KIAA0825: variants seen among roughly 807,000 people sequenced by gnomAD.
KIAA0825 encodes uncharacterized protein KIAA0825.
In KIAA0825, 119 loss-of-function variants were observed where a neutral mutation model predicts 147.6. That is an observed-to-expected ratio of 0.81 (90% confidence interval 0.69 to 0.94). The LOEUF (loss-of-function observed/expected upper bound fraction) is 0.94. KIAA0825 is among the 40% of genes least tolerant of loss of function. The pLI is 0.00. For synonymous variants in KIAA0825, 470 were observed against 518.1 expected (o/e 0.91, Z 1.26); for missense variants, 1,381 against 1,472.7 (o/e 0.94, Z 1.02).
At position 94,356,725 on chromosome 5, in the gene KIAA0825, C is replaced by CTTTTTTTTTTTTTTTTTTTTT. The variant is rs1172838355; in HGVS notation, c.3710+27642_3710+27643insAAAAAAAAAAAAAAAAAAAAA. On this transcript the variant is annotated intron_variant, in intron 20 of 20. Transcript: ENST00000682413. The stretch of plus-strand genomic sequence containing the variant: ...TCAAACTTAAGGTTTAACTTGATTT[C>CTTTTTTTTTTTTTTTTTTTTT]TTTTTTTTTTTTTTTTTGAGACGGA... 1.0e-3 allele frequency among the ~76,000 whole-genome samples: 118 copies of CTTTTTTTTTTTTTTTTTTTTT among 116,718 alleles called. 15 individuals are homozygous for CTTTTTTTTTTTTTTTTTTTTT. The highest frequency in any genetic ancestry group is 1.6e-3 in the African/African-American group (48 of 29,502). 76.6% of individuals were successfully genotyped at this position (116,718 alleles called of 152,430 possible).
intron 20 of KIAA0825, among the ~76,000 whole-genome samples, chr5:94,266,321 T>C (rs1003919057): frequency 6.6e-6 from 1 of 152,206 alleles, no homozygotes; most frequent in African/African-American, 2.4e-5. Flanking sequence ...TAATGAAATG[T>C]ATCAACATTT....
Position 94,529,201 on chromosome 5 carries a change from T to C in KIAA0825, c.132-5103A>G, listed in dbSNP as rs150163815. On this transcript the variant is annotated intron_variant, in intron 3 of 20. Transcript: ENST00000682413. ...CATATATATTATATATATGAAGTAG[T>C]ATATATATCATATATATGTATGTAT... 4.4e-3 allele frequency among the ~76,000 whole-genome samples: 648 copies of C among 146,668 alleles called. 7 individuals carry two copies. The highest frequency in any genetic ancestry group is 0.015 in the African/African-American group (591 of 40,012).
At chr5:94,382,758 TAAAC>T (rs764774343) in intron 20 of KIAA0825, among the ~76,000 whole-genome samples, 1 of 152,166 alleles carries the variant, frequency 6.6e-6, no homozygotes, top group Non-Finnish European at 1.5e-5. Context: ...CCAAAGTCCT[TAAAC>T]AAAAACAAAA....
intron 13 of KIAA0825, among the ~76,000 whole-genome samples, chr5:94,452,116 G>T (rs1458491371): frequency 6.6e-6 from 1 of 152,134 alleles, no homozygotes; most frequent in Non-Finnish European, 1.5e-5. Flanking sequence ...AATACATTGA[G>T]GTCCTTGAAG....
intron 1 of KIAA0825, among the ~76,000 whole-genome samples, chr5:94,602,244 G>A (rs1448915400): frequency 3.3e-5 from 5 of 151,708 alleles, no homozygotes; most frequent in Non-Finnish European, 5.9e-5. Context: ...CCAGCTACTC[G>A]GGAGGCTGAG....
At chr5:94,486,951 T>A (rs926528362) in intron 5 of KIAA0825, among the ~76,000 whole-genome samples, 7 of 152,178 alleles carry the variant, frequency 4.6e-5, no homozygotes, top group African/African-American at 1.7e-4. Context: ...TCACTAGAAA[T>A]TAAGCATGTT....
intron 14 of KIAA0825, among the ~76,000 whole-genome samples, chr5:94,418,450 C>T (rs977511274): frequency 6.6e-6 from 1 of 151,912 alleles, no homozygotes; most frequent in Non-Finnish European, 1.5e-5. Context: ...GTCCCTCACC[C>T]CTCCATCCTC....
intron 5 of KIAA0825, 84 bp from the exon 6 acceptor site, chr5:94,485,014 C>A: frequency 1.0e-6 from 1 of 987,562 alleles, no homozygotes; most frequent in Non-Finnish European, 1.3e-6. Flanking sequence ...ATTCCATAAA[C>A]CATATAAAAA....
intron 20 of KIAA0825, among the ~76,000 whole-genome samples, chr5:94,199,653 T>C (rs1771476714): frequency 6.6e-6 from 1 of 152,052 alleles, no homozygotes. Context: ...AGTGAGGCAG[T>C]GGTGAGTTCC....
At chr5:94,347,898 C>A (rs909596109) in intron 20 of KIAA0825, among the ~76,000 whole-genome samples, 5 of 151,980 alleles carry the variant, frequency 3.3e-5, no homozygotes, top group African/African-American at 1.2e-4. Flanking sequence ...AAATATGATA[C>A]AAGAAATGAA....
Position 94,463,389 on chromosome 5 carries a change from ATAT to A in KIAA0825, c.2064-823_2064-821del, listed in dbSNP as rs1760077356. ...TGGTCTCAAATTTATTATATAATAA[ATAT>A]TATATATTAATAATATATGACACAT... On this transcript the variant is annotated intron_variant, in intron 11 of 20. Transcript: ENST00000682413. Among the ~76,000 whole-genome samples, 3 of 148,630 alleles carry A rather than the reference ATAT, an allele frequency of 2.0e-5. No homozygotes were observed. The Admixed American group carries it at 2.0e-4, about 10-fold the overall frequency.
At chr5:94,435,225 C>T (rs1242644107) in intron 14 of KIAA0825, among the ~76,000 whole-genome samples, 1 of 151,360 alleles carries the variant, frequency 6.6e-6, no homozygotes, top group Non-Finnish European at 1.5e-5. Context: ...CAGATTACTT[C>T]ATCACCCAGG....
intron 20 of KIAA0825, among the ~76,000 whole-genome samples, chr5:94,187,579 A>G (rs979184157): frequency 6.6e-6 from 1 of 151,828 alleles, no homozygotes; most frequent in Non-Finnish European, 1.5e-5. Flanking sequence ...GGCACCCGCC[A>G]CCACGTCTGG....
chr5:94,382,427 A>T (rs1748543438), intron 20 of KIAA0825, among the ~76,000 whole-genome samples: 1 of 152,232 alleles, frequency 6.6e-6, no homozygotes, highest in African/African-American at 2.4e-5. Flanking sequence ...AACAAAACTC[A>T]TAAATAACCT....
intron 20 of KIAA0825, among the ~76,000 whole-genome samples, chr5:94,313,590 G>A (rs549689140): frequency 2.1e-4 from 31 of 145,490 alleles, no homozygotes; most frequent in African/African-American, 7.3e-4. Flanking sequence ...TGTCAGACAT[G>A]CCTAGATTTT....
intron 2 of KIAA0825, among the ~76,000 whole-genome samples, chr5:94,573,928 G>A (rs1418762594): frequency 6.6e-6 from 1 of 152,128 alleles, no homozygotes; most frequent in Non-Finnish European, 1.5e-5. Flanking sequence ...TGACTCCCCA[G>A]ACCTCTTAGA....
At chr5:94,499,823 C>T (rs1435781812) in intron 5 of KIAA0825, among the ~76,000 whole-genome samples, 2 of 152,086 alleles carry the variant, frequency 1.3e-5, no homozygotes, top group African/African-American at 4.8e-5. Context: ...ATAAATAATT[C>T]TTGTCCTTAA....
chr5:94,569,800 C>T, intron 2 of KIAA0825: 1 of 206,142 alleles, frequency 4.9e-6, no homozygotes, highest in Non-Finnish European at 9.6e-6. Context: ...CTAACGGTGC[C>T]TCAATATTCT....
Position 94,553,565 on chromosome 5 carries a change from G to A in KIAA0825, c.-1-16438C>T, listed in dbSNP as rs1584871475. Reference sequence around the variant, plus strand: ...CGATCACCTGAGGCCAGGAGTTTGAGATCAGCCTGGTCAACATGGTGAAAC... The same window carrying A: ...CGATCACCTGAGGCCAGGAGTTTGAAATCAGCCTGGTCAACATGGTGAAAC... On this transcript the variant is annotated intron_variant, in intron 2 of 20. Coordinates refer to ENST00000682413, the MANE Select transcript of KIAA0825 (RefSeq NM_001145678.3). 4.0e-5 allele frequency among the ~76,000 whole-genome samples: 6 copies of A among 151,314 alleles called. No individual in the cohort carries two copies. In the South Asian group the frequency reaches 1.2e-3, roughly 31 times the overall value.
Sources: gnomAD v4.1 joint callset for allele counts (sites outside exome capture counted in the v4.1 genomes callset) on GRCh38, gnomAD v4.1.1 for gene constraint, MANE v1.5 for transcripts, NCBI Gene and HGNC (gene_info 2026-07-23, HGNC 2026-07-21) for gene names.